The following CDC14A variants were observed in gnomAD, a reference collection of about 807,000 sequenced individuals.
The protein encoded by CDC14A is cell division cycle 14A.
A neutral mutation model predicts 74.4 loss-of-function variants in CDC14A; 53 were observed. The observed-to-expected ratio is 0.71, with a 90% CI of 0.57 to 0.89. The LOEUF is 0.89. CDC14A is among the 40% of genes least tolerant of loss of function. The pLI, the probability that CDC14A is intolerant of heterozygous loss-of-function variation, is 0.00. For synonymous variants in CDC14A, 247 were observed against 258.4 expected (o/e 0.96, Z 0.43); for missense variants, 646 against 713.7 (o/e 0.91, Z 1.08).
intron 15 of CDC14A, chr1:100,504,680 T>A: frequency 1.6e-6 from 1 of 626,506 alleles, no homozygotes; most frequent in Non-Finnish European, 2.8e-6. Context: ...AAATGACCAG[T>A]GGTCCCTTAG....
intron 5 of CDC14A, among the ~76,000 whole-genome samples, chr1:100,428,085 T>G (rs1663169691): frequency 6.6e-6 from 1 of 152,222 alleles, no homozygotes; most frequent in South Asian, 2.1e-4. Flanking sequence ...TACATTATTA[T>G]AACCAAAAGA....
At chr1:100,425,422 A>T (rs1024153187) in intron 5 of CDC14A, among the ~76,000 whole-genome samples, 1 of 152,162 alleles carries the variant, frequency 6.6e-6, no homozygotes, top group African/African-American at 2.4e-5. Flanking sequence ...AAACTCTCAG[A>T]GGGCAGGCCC....
intron 2 of CDC14A, among the ~76,000 whole-genome samples, chr1:100,355,953 C>T (rs756989969): frequency 3.3e-5 from 5 of 152,064 alleles, no homozygotes; most frequent in African/African-American, 7.2e-5. Context: ...GCAAAGGCTT[C>T]GTGGAAGAGT....
chr1:100,485,359 A>G (rs1669922393), intron 11 of CDC14A: 7 of 957,720 alleles, frequency 7.3e-6, no homozygotes, highest in Non-Finnish European at 8.7e-6. Context: ...ATACTTTTAT[A>G]TCTCTAAAGG....
Position 100,519,743 on chromosome 1 carries a change from C to G in CDC14A, c.*1463C>G, listed in dbSNP as rs188592712. On this transcript the variant is annotated 3_prime_UTR_variant, in exon 16 of 16. Coordinates refer to ENST00000336454, the MANE Select transcript of CDC14A (RefSeq NM_003672.4). ...AATTACACTCAACTGATGAAAAAAA[C>G]GAATTGTATGATTTAGGAATCAAAA... The G allele has an allele frequency of 6.6e-6, 1 of 152,054 alleles. No homozygotes were observed. The highest frequency in any genetic ancestry group is 2.1e-4 in the South Asian group (1 of 4,802). The allele number at this position is 152,054 out of a possible 1,614,324, so 9.4% of individuals were successfully genotyped here. A position where few individuals can be genotyped will look rare whatever the true frequency, so the allele number is the denominator to read the frequency against.
chr1:100,399,812 G>C (rs1659023555), intron 4 of CDC14A, among the ~76,000 whole-genome samples: 1 of 150,390 alleles, frequency 6.6e-6, no homozygotes, highest in Non-Finnish European at 1.5e-5. Context: ...AGGTTGCAGT[G>C]AGCTGTGATC....
intron 5 of CDC14A, among the ~76,000 whole-genome samples, chr1:100,429,234 T>TAAATAAATAAATAAATAA (rs60569646): frequency 2.0e-5 from 3 of 146,428 alleles, no homozygotes; most frequent in Non-Finnish European, 4.5e-5. Context: ...AATAAATAAA[T>TAAATAAATAAATAAATAA]ATAAAATAAA....
chr1:100,470,551 A>G (rs142991148), intron 10 of CDC14A, among the ~76,000 whole-genome samples: 8 of 152,270 alleles, frequency 5.3e-5, no homozygotes, highest in Admixed American at 5.2e-4. Flanking sequence ...AATTCTGCTA[A>G]TTAAAAGACA....
In CDC14A at chr1:100,499,217, C is replaced by T. The variant is rs758911240; in HGVS notation, c.1710C>T (p.Thr570=). 3.9e-5 allele frequency: 63 copies of T among 1,614,194 alleles called. No homozygotes were observed. In the East Asian group the frequency reaches 8.7e-4, roughly 22 times the overall value. ...CCACCATCCTCCGACCCTCCTACAC[C>T]GGGCTTTCTTCTTCTTCAGCGAGAT... is the stretch of plus-strand genomic sequence containing the variant. ...EHTTILRPSY[T]GLSSSSARFL... Residue 570 remains threonine (T), a synonymous_variant, in exon 15 of 16, where the codon ACC becomes ACT. Coordinates refer to ENST00000336454, the MANE Select transcript of CDC14A (RefSeq NM_003672.4).
At chr1:100,438,868 C>T (rs969372569) in intron 5 of CDC14A, among the ~76,000 whole-genome samples, 15 of 152,218 alleles carry the variant, frequency 9.9e-5, no homozygotes, top group African/African-American at 3.1e-4. Flanking sequence ...CCCCTTGGAA[C>T]GTCTTCTGGC....
chr1:100,447,224 C>T (rs1462078345), intron 7 of CDC14A, among the ~76,000 whole-genome samples: 1 of 152,160 alleles, frequency 6.6e-6, no homozygotes, highest in Non-Finnish European at 1.5e-5. Flanking sequence ...TTAGAAAGCT[C>T]GAGGTGAGAT....
intron 15 of CDC14A, among the ~76,000 whole-genome samples, chr1:100,515,650 G>T (rs1334233134): frequency 6.6e-6 from 1 of 151,942 alleles, no homozygotes. Flanking sequence ...CTCCCAAAGT[G>T]CTGGGATTAC....
intron 2 of CDC14A, among the ~76,000 whole-genome samples, chr1:100,361,182 T>A (rs540999367): frequency 6.6e-6 from 1 of 152,264 alleles, no homozygotes; most frequent in African/African-American, 2.4e-5. Flanking sequence ...GACACATTTT[T>A]ATGGGAAGTG....
chr1:100,489,582 GT>G (rs5776511), intron 11 of CDC14A, among the ~76,000 whole-genome samples: 13 of 146,870 alleles, frequency 8.9e-5, no homozygotes, highest in African/African-American at 2.8e-4. Flanking sequence ...CATCACTCAT[GT>G]TTTTTTTTTT....
intron 2 of CDC14A, among the ~76,000 whole-genome samples, chr1:100,376,925 A>C (rs1485607032): frequency 1.3e-5 from 2 of 152,174 alleles, no homozygotes; most frequent in African/African-American, 4.8e-5. Context: ...CAGGCCATGT[A>C]CTTGTTATAT....
rs1651199705 is a variant in CDC14A, at chr1:100,352,521, C to A, written c.-434C>A. 7.8e-6 allele frequency: 8 copies of A among 1,030,400 alleles called. No homozygotes were observed. The South Asian group carries it at 2.5e-4, about 32-fold the overall frequency. 63.8% of individuals were successfully genotyped at this position (1,030,400 alleles called of 1,614,324 possible). On this transcript the variant is annotated 5_prime_UTR_variant, in exon 1 of 16. Transcript: ENST00000336454. ...GAGGATCCGGAGCAGCTGCTGCCAG[C>A]CCGCGGGCACTGAAGTCCTCCCGGC...
At chr1:100,396,974 G>A (rs1022008156) in intron 4 of CDC14A, among the ~76,000 whole-genome samples, 1 of 152,002 alleles carries the variant, frequency 6.6e-6, no homozygotes, top group Admixed American at 6.6e-5. Context: ...TTTAACCTGC[G>A]GCTGGCTTTG....
intron 11 of CDC14A, among the ~76,000 whole-genome samples, chr1:100,487,572 G>GAAACAAAACAAAACAA (rs3081857): frequency 7.3e-5 from 11 of 151,086 alleles, no homozygotes; most frequent in East Asian, 1.9e-4. Context: ...AAACAAAACA[G>GAAACAAAACAAAACAA]AACAAAACAA....
chr1:100,346,925 C>T (rs1489004564), intron 1 of CDC14A, among the ~76,000 whole-genome samples: 1 of 152,110 alleles, frequency 6.6e-6, no homozygotes, highest in Non-Finnish European at 1.5e-5. Flanking sequence ...GCTGGTATAC[C>T]ATTCCATTAA....
Sources: allele counts gnomAD v4.1 joint callset (sites outside exome capture counted in the v4.1 genomes callset), GRCh38; gene constraint gnomAD v4.1.1; transcripts MANE v1.5; gene names NCBI Gene and HGNC (gene_info 2026-07-23, HGNC 2026-07-21).